Variants in ACSM3 observed in about 807,000 individuals in gnomAD.
ACSM3 encodes the protein acyl-CoA synthetase medium chain family member 3, also known as acyl-coenzyme A synthetase ACSM3, mitochondrial.
Under a neutral mutation model 74.1 loss-of-function variants are expected in ACSM3, and 61 were observed. The ratio of observed to expected loss-of-function variants is 0.82; its 90% CI spans 0.67 to 1.02. The LOEUF is 1.02. ACSM3 is among the 50% of genes least tolerant of loss of function. ACSM3 has a pLI of 0.00. For synonymous variants in ACSM3, 213 were observed against 241.5 expected (o/e 0.88, Z 1.09); for missense variants, 660 against 697.0 (o/e 0.95, Z 0.60).
At position 20,697,447 on chromosome 16, in the gene ACSM3, C is replaced by A. The variant is rs181048161; in HGVS notation, c.-190+22625C>A. 4.6e-5 allele frequency among the ~76,000 whole-genome samples: 7 copies of A among 152,068 alleles called. No homozygotes were observed. In the East Asian group the frequency reaches 1.4e-3, roughly 29 times the overall value. ...GTACGTTCCTATTTATTCCTCTCAC[C>A]CAATATCACCATTGTCATTTTGCCT... On this transcript the variant is annotated intron_variant, in intron 1 of 3. Coordinates refer to the ACSM3 transcript ENST00000561584.
intron 1 of ACSM3, among the ~76,000 whole-genome samples, chr16:20,715,134 A>G (rs376951651): frequency 5.9e-5 from 9 of 152,220 alleles, no homozygotes; most frequent in South Asian, 4.1e-4. Context: ...CCTGCAAGGT[A>G]TCAGATTCTG....
intron 1 of ACSM3, chr16:20,735,204 C>T: frequency 6.6e-6 from 1 of 152,164 alleles, no homozygotes; most frequent in Non-Finnish European, 1.5e-5. Context: ...TTTCTGTAGT[C>T]ATTTTTCATT....
chr16:20,709,442 C>T (rs1465950602), intron 1 of ACSM3, among the ~76,000 whole-genome samples: 2 of 152,156 alleles, frequency 1.3e-5, no homozygotes, highest in Non-Finnish European at 2.9e-5. Flanking sequence ...ATTTTGGTTT[C>T]TGCTGTAAAG....
rs76843029 is a variant in ACSM3 at position 20,740,979 on chromosome 16, G to A, written c.-189-8931G>A. On this transcript the variant is annotated intron_variant, in intron 1 of 3. Coordinates refer to the ACSM3 transcript ENST00000561584. ...CTCAATGAGCAATCCTTAAGTGGGA[G>A]GTAGGCCGGGCTCAGTGGCTCGCGC... 6.6e-3 allele frequency among the ~76,000 whole-genome samples: 1,012 copies of A among 152,326 alleles called. 18 individuals are homozygous for A. The highest frequency in any genetic ancestry group is 0.023 in the African/African-American group (952 of 41,582).
chr16:20,793,790 G>C (rs930125585), intron 12 of ACSM3, among the ~76,000 whole-genome samples: 3 of 152,234 alleles, frequency 2.0e-5, no homozygotes, highest in African/African-American at 7.2e-5. Flanking sequence ...GGTTTCACGA[G>C]TCTTAGCTCT....
chr16:20,715,346 G>A (rs1458249638), intron 1 of ACSM3, among the ~76,000 whole-genome samples: 1 of 152,134 alleles, frequency 6.6e-6, no homozygotes, highest in Non-Finnish European at 1.5e-5. Flanking sequence ...GCTCACATCT[G>A]TAATCCCAGC....
chr16:20,718,429 G>T, intron 1 of ACSM3: 1 of 705,462 alleles, frequency 1.4e-6, no homozygotes, highest in South Asian at 5.2e-5. Flanking sequence ...TGGGACGACA[G>T]GCTCTCCTAA....
chr16:20,675,499 G>C (rs2020220591), intron 1 of ACSM3, among the ~76,000 whole-genome samples: 1 of 152,160 alleles, frequency 6.6e-6, no homozygotes, highest in Non-Finnish European at 1.5e-5. Context: ...CAGTCTGGTG[G>C]ACCTTAGAGT....
intron 1 of ACSM3, chr16:20,729,379 A>C: frequency 7.6e-7 from 1 of 1,308,206 alleles, no homozygotes; most frequent in Non-Finnish European, 1.1e-6. Flanking sequence ...TGCCACTCTT[A>C]AGAGGCAAGG....
chr16:20,771,421 G>T (rs1473183591), intron 2 of ACSM3, among the ~76,000 whole-genome samples: 1 of 113,016 alleles, frequency 8.8e-6, no homozygotes, highest in East Asian at 2.4e-4. Context: ...TTACTTTGTT[G>T]CCCAGGCTGA....
chr16:20,738,799 A>G, intron 1 of ACSM3: 2 of 1,367,666 alleles, frequency 1.5e-6, no homozygotes, highest in Admixed American at 1.9e-5. Context: ...TGATTAACTG[A>G]GTCATGCCCA....
chr16:20,790,836 A>C lies in ACSM3; in HGVS notation c.1326+148A>C. ...CTGAATAGTAATCCAAAAGACAAGA[A>C]ATTGAAGAAATACCCAAATTCTTGC... On this transcript the variant is annotated intron_variant, in intron 10 of 13. Coordinates refer to ENST00000289416, the MANE Select transcript of ACSM3 (RefSeq NM_005622.4). This position sits in a 1 kb window ranked among gnomAD's most constrained non-coding sequence, Gnocchi z 4.0. 1 of 1,614,036 alleles carries C rather than the reference A, an allele frequency of 6.2e-7. No individual in the cohort carries two copies. The highest frequency in any genetic ancestry group is 8.5e-7 in the Non-Finnish European group (1 of 1,179,962).
At chr16:20,751,295 A>G (rs1165092000) in intron 2 of ACSM3, among the ~76,000 whole-genome samples, 2 of 152,238 alleles carry the variant, frequency 1.3e-5, no homozygotes, top group Non-Finnish European at 2.9e-5. Flanking sequence ...TTCTATCTGT[A>G]TGTAACTTAC....
At chr16:20,723,692 G>A (rs1297114681) in intron 1 of ACSM3, among the ~76,000 whole-genome samples, 1 of 152,226 alleles carries the variant, frequency 6.6e-6, no homozygotes, top group Non-Finnish European at 1.5e-5. Context: ...CTTTTGAGAA[G>A]TGTCTGTTCA....
At chr16:20,704,788 G>C (rs2079722360) in intron 1 of ACSM3, among the ~76,000 whole-genome samples, 1 of 152,166 alleles carries the variant, frequency 6.6e-6, no homozygotes, top group African/African-American at 2.4e-5. Context: ...AAAGTATAGA[G>C]TATGAAAGTA....
At chr16:20,741,481 G>GGGGGGGGGGGGGGCCCC in intron 1 of ACSM3, 12 of 1,308,410 alleles carry the variant, frequency 9.2e-6, no homozygotes, top group Non-Finnish European at 1.2e-5. Flanking sequence ...CTGGCAGCCG[G>GGGGGGGGGGGGGGCCCC]CCCGCCCGCC....
chr16:20,692,731 T>C (rs2079665850), intron 1 of ACSM3, among the ~76,000 whole-genome samples: 1 of 152,160 alleles, frequency 6.6e-6, no homozygotes, highest in Admixed American at 6.5e-5. Context: ...GGGTAAAACA[T>C]TTTGATTTTC....
intron 1 of ACSM3, among the ~76,000 whole-genome samples, chr16:20,717,379 T>C (rs1315386182): frequency 6.6e-6 from 1 of 152,184 alleles, no homozygotes; most frequent in Non-Finnish European, 1.5e-5. Flanking sequence ...CCGGAAGCAC[T>C]TGATTGCCTG....
chr16:20,695,805 T>A (rs1344146054), intron 1 of ACSM3, among the ~76,000 whole-genome samples: 1 of 152,166 alleles, frequency 6.6e-6, no homozygotes, highest in Non-Finnish European at 1.5e-5. Flanking sequence ...ATGTTAAGCT[T>A]CATTTCTAAA....
Sources: allele counts gnomAD v4.1 joint callset (sites outside exome capture counted in the v4.1 genomes callset), GRCh38; gene constraint gnomAD v4.1.1; non-coding constraint Gnocchi (gnomAD v3.1); transcripts MANE v1.5; gene names NCBI Gene and HGNC (gene_info 2026-07-23, HGNC 2026-07-21).